Variants in PASD1 observed in about 807,000 individuals in gnomAD.
PASD1 encodes the protein circadian clock protein PASD1.
PASD1 carries 13 observed loss-of-function variants against 58.8 expected under a neutral mutation model. The ratio of observed to expected loss-of-function variants is 0.22; its 90% CI spans 0.14 to 0.35. The LOEUF (loss-of-function observed/expected upper bound fraction) is 0.35, where lower values mean the gene tolerates loss of function less well. PASD1 is among the 10% of genes least tolerant of loss of function. The probability of loss-of-function intolerance (pLI) is 1.00; values close to 1 mark genes in which losing one functional copy is unlikely to be tolerated. For synonymous variants in PASD1, 236 were observed against 216.7 expected, an observed-to-expected ratio of 1.09 and a Z score of -0.78; for missense variants, 734 against 568.3, an observed-to-expected ratio of 1.29 and a Z score of -2.96.
At chrX:151,672,880 G>T (rs2014497166) in intron 14 of PASD1, 3 of 510,211 alleles carry the variant, frequency 5.9e-6, no homozygotes, top group Non-Finnish European at 9.1e-6. Flanking sequence ...GAACAAAGGG[G>T]TACCCATGAA....
chrX:151,605,924 T>C (rs1482818287), intron 3 of PASD1, among the ~76,000 whole-genome samples: 1 of 112,348 alleles, frequency 8.9e-6, no homozygotes, highest in Non-Finnish European at 1.9e-5. Context: ...TTAGGAATCC[T>C]ATACACAAAT....
intron 1 of PASD1, among the ~76,000 whole-genome samples, chrX:151,595,812 C>T (rs2013316003): frequency 8.9e-6 from 1 of 111,747 alleles, no homozygotes; most frequent in Non-Finnish European, 1.9e-5. Flanking sequence ...ATACTCTGCT[C>T]CACAAATTGT....
At chrX:151,653,042 C>G (rs1311426537) in intron 9 of PASD1, among the ~76,000 whole-genome samples, 1 of 109,644 alleles carries the variant, frequency 9.1e-6, no homozygotes, top group African/African-American at 3.3e-5. Context: ...GGAGGAAGGG[C>G]AGGAATGGAA....
intron 1 of PASD1, among the ~76,000 whole-genome samples, chrX:151,576,165 G>A (rs2013003047): frequency 9.0e-6 from 1 of 110,560 alleles, no homozygotes; most frequent in Non-Finnish European, 1.9e-5. Context: ...ATGGCGCTCA[G>A]TCCTAATTTT....
intron 1 of PASD1, among the ~76,000 whole-genome samples, chrX:151,598,424 A>G (rs1000258182): frequency 1.8e-5 from 2 of 110,563 alleles, no homozygotes; most frequent in Admixed American, 1.9e-4. Flanking sequence ...TTTTATTTTG[A>G]TTTATCCAGA....
chrX:151,628,129 C>A (rs1181013988), intron 8 of PASD1, among the ~76,000 whole-genome samples: 1 of 111,008 alleles, frequency 9.0e-6, no homozygotes, highest in East Asian at 2.8e-4. Context: ...GAGTAGATTG[C>A]AAAAATTTTC....
At chrX:151,621,379 G>A in intron 5 of PASD1, 103 bp from the exon 6 acceptor site, 1 of 638,118 alleles carries the variant, frequency 1.6e-6, no homozygotes, top group East Asian at 3.6e-5. Flanking sequence ...TAATATTTTT[G>A]TAAAATCTAA....
intron 11 of PASD1, among the ~76,000 whole-genome samples, chrX:151,669,417 T>C (rs1441247599): frequency 9.0e-6 from 1 of 110,689 alleles, no homozygotes; most frequent in Non-Finnish European, 1.9e-5. Context: ...AGCATTACAA[T>C]TCTTTTAGCT....
intron 4 of PASD1, among the ~76,000 whole-genome samples, chrX:151,612,916 G>C (rs867393577): frequency 1.1e-4 from 12 of 111,834 alleles, no homozygotes; most frequent in African/African-American, 3.6e-4. Context: ...GAATGGTATT[G>C]TCTAGGTTTT....
intron 1 of PASD1, among the ~76,000 whole-genome samples, chrX:151,586,380 G>C (rs2013165099): frequency 8.9e-6 from 1 of 111,806 alleles, no homozygotes; most frequent in Non-Finnish European, 1.9e-5. Context: ...GAGTTGAAAA[G>C]CACTACAGAG....
chrX:151,631,142 G>A (rs903371747), intron 8 of PASD1, among the ~76,000 whole-genome samples: 2 of 112,139 alleles, frequency 1.8e-5, no homozygotes, highest in African/African-American at 6.5e-5. Flanking sequence ...TTAACACAGT[G>A]CAATTTGTTC....
intron 1 of PASD1, among the ~76,000 whole-genome samples, chrX:151,567,642 T>C (rs1270836497): frequency 8.9e-6 from 1 of 111,867 alleles, no homozygotes; most frequent in Non-Finnish European, 1.9e-5. Context: ...TGACAAAGGC[T>C]TCCACTAGAT....
intron 9 of PASD1, among the ~76,000 whole-genome samples, chrX:151,653,879 T>TTTCC (rs2014196512): frequency 5.1e-5 from 1 of 19,799 alleles, no homozygotes; most frequent in African/African-American, 1.6e-4. Context: ...TCTTTCTTTC[T>TTTCC]TTCTTTCTTT....
At chrX:151,596,661 C>T (rs755989793) in intron 1 of PASD1, among the ~76,000 whole-genome samples, 2 of 112,521 alleles carry the variant, frequency 1.8e-5, no homozygotes, top group South Asian at 7.3e-4. Context: ...ATCTTGTACA[C>T]AGCAACCTTG....
At chrX:151,604,861 C>A in intron 3 of PASD1, 127 bp downstream of exon 3, 1 of 520,277 alleles carries the variant, frequency 1.9e-6, no homozygotes, top group Non-Finnish European at 3.1e-6. Flanking sequence ...AGCTTGATAA[C>A]TTAAATCGTC....
chrX:151,600,851 T>C (rs2013405750), intron 1 of PASD1, among the ~76,000 whole-genome samples: 1 of 112,061 alleles, frequency 8.9e-6, no homozygotes, highest in African/African-American at 3.2e-5. Flanking sequence ...CCCTGAACTT[T>C]CCCTTACTTA....
intron 11 of PASD1, among the ~76,000 whole-genome samples, chrX:151,668,685 A>G (rs1330070889): frequency 3.6e-5 from 4 of 110,894 alleles, no homozygotes; most frequent in Non-Finnish European, 7.5e-5. Context: ...GAATAGACCA[A>G]TAACAGCCTC....
intron 1 of PASD1, among the ~76,000 whole-genome samples, chrX:151,590,114 G>A (rs1371236397): frequency 3.6e-5 from 4 of 111,874 alleles, no homozygotes; most frequent in African/African-American, 1.3e-4. Context: ...GGGGTGGGAG[G>A]ATAAAGGGAG....
chrX:151,573,831 G>A (rs2012961952), intron 1 of PASD1, among the ~76,000 whole-genome samples: 1 of 111,705 alleles, frequency 9.0e-6, no homozygotes, highest in Non-Finnish European at 1.9e-5. Context: ...ATTGTAGAGA[G>A]CCTTGGGTGA....
Sources: allele counts gnomAD v4.1 joint callset (sites outside exome capture counted in the v4.1 genomes callset), GRCh38; gene constraint gnomAD v4.1.1; transcripts MANE v1.5; gene names NCBI Gene and HGNC (gene_info 2026-07-23, HGNC 2026-07-21).